OR2M4: variants seen among roughly 807,000 people sequenced by gnomAD.
OR2M4 encodes the protein olfactory receptor family 2 subfamily M member 4.
Under a neutral mutation model 13.7 loss-of-function variants are expected in OR2M4, and 8 were observed. The observed-to-expected ratio is 0.58, with a 90% CI of 0.34 to 1.05. OR2M4 has a LOEUF of 1.05. Ranked by LOEUF, OR2M4 falls within the 50% of genes least tolerant of loss-of-function variation. The pLI is 0.02. For missense variants in OR2M4, 374 were observed against 381.6 expected (o/e 0.98, Z 0.17); for synonymous variants, 152 against 141.3 (o/e 1.08, Z -0.53).
intron 1 of OR2M4, 90 bp from the exon 2 acceptor site, chr1:248,238,820 A>G (rs1221575518): frequency 9.5e-6 from 7 of 738,884 alleles, no homozygotes; most frequent in Admixed American, 2.8e-5. Flanking sequence ...GGCCTTATGC[A>G]TGCATATAAA....
chr1:248,233,113 G>C (rs1558260367), intron 1 of OR2M4, among the ~76,000 whole-genome samples: 1 of 152,102 alleles, frequency 6.6e-6, no homozygotes, highest in Non-Finnish European at 1.5e-5. Context: ...AGGGGTCTCT[G>C]TTATTTAGTT....
At chr1:248,235,306 G>A (rs1172324535) in intron 1 of OR2M4, among the ~76,000 whole-genome samples, 1 of 152,166 alleles carries the variant, frequency 6.6e-6, no homozygotes, top group Non-Finnish European at 1.5e-5. Flanking sequence ...TCAAAGATCA[G>A]ATGGTTGTAG....
intron 1 of OR2M4, among the ~76,000 whole-genome samples, chr1:248,236,204 A>G (rs747550082): frequency 3.9e-5 from 6 of 152,176 alleles, no homozygotes; most frequent in African/African-American, 4.8e-5. Flanking sequence ...AAATCATACC[A>G]AACAGTCTCT....
In OR2M4 at chr1:248,239,380, T is replaced by TG. The variant is rs1558261955; in HGVS notation, c.456dup (p.Ser153ValfsTer3). The TG allele has an allele frequency of 3.1e-6, 5 of 1,614,050 alleles. No individual in the cohort carries two copies. The highest frequency in any genetic ancestry group is 4.2e-6 in the Non-Finnish European group (5 of 1,179,994). On this transcript the variant is annotated frameshift_variant, in exon 2 of 2. Coordinates refer to ENST00000641868, the MANE Select transcript of OR2M4 (RefSeq NM_017504.2). LOFTEE classifies it high-confidence loss of function. ...TTCATGACTGTTGCTTCCTGGACCT[T>TG]GGGGTCTCTTGATGGGATCATAGTG...
At position 248,242,808 on chromosome 1, in the gene OR2M4, G is replaced by C. The variant is rs1005006102; in HGVS notation, c.*2944G>C. The C allele has an allele frequency of 2.0e-5, 3 of 152,120 alleles. No homozygotes were observed. The highest frequency in any genetic ancestry group is 2.0e-4 in the Admixed American group (3 of 15,278). 9.4% of individuals were successfully genotyped at this position (152,120 alleles called of 1,614,324 possible). A position where few individuals can be genotyped will look rare whatever the true frequency, so the allele number is the denominator to read the frequency against. ...ACATTTTATGATATGAATCGATAAT[G>C]ATTTTGTACATTTGATTTTACACAT... On this transcript the variant is annotated 3_prime_UTR_variant, in exon 2 of 2. Coordinates refer to ENST00000641868, the MANE Select transcript of OR2M4 (RefSeq NM_017504.2).
chr1:248,239,746 T>C lies in OR2M4; in HGVS notation c.818T>C (p.Met273Thr), dbSNP rs748039089. The C allele has an allele frequency of 8.1e-6, 13 of 1,613,944 alleles. No individual in the cohort carries two copies. Among genetic ancestry groups the C allele is most frequent in the South Asian group, 1.1e-5 (1 of 91,084 alleles). The change falls in exon 2 of 2, where the codon ATG (methionine) becomes ACG (threonine). Residue 273 changes from methionine (M) to threonine (T), a missense_variant. Coordinates refer to ENST00000641868, the MANE Select transcript of OR2M4 (RefSeq NM_017504.2). ...AAACATACGCCAGACCAGGACAAGATGGTGTCGGCCTTCTACACTATTCTC... is the reference window on the plus strand; with the variant it reads ...AAACATACGCCAGACCAGGACAAGACGGTGTCGGCCTTCTACACTATTCTC... ...ASKHTPDQDK[M>T]VSAFYTILTP...
In OR2M4 at chr1:248,231,531, T is replaced by G. The variant is rs1666503281; in HGVS notation, c.-69T>G. On this transcript the variant is annotated 5_prime_UTR_variant, in exon 1 of 2. Transcript: ENST00000641868. ...AGGCAGTGATTATTATATTCCAGAG[T>G]ATAAAGAACCCAGAACTGATTTGGC... 6.6e-6 allele frequency: 1 copy of G among 152,006 alleles called. No individual in the cohort carries two copies. Among genetic ancestry groups the G allele is most frequent in the Non-Finnish European group, 1.5e-5 (1 of 68,006 alleles). The allele number at this position is 152,006 out of a possible 1,614,324, so 9.4% of individuals were successfully genotyped here.
At chr1:248,234,077 T>A (rs1666532643) in intron 1 of OR2M4, among the ~76,000 whole-genome samples, 1 of 152,202 alleles carries the variant, frequency 6.6e-6, no homozygotes, top group African/African-American at 2.4e-5. Flanking sequence ...ATTTTCTCAA[T>A]GCAAAATCAT....
At chr1:248,234,110 G>A (rs1210882673) in intron 1 of OR2M4, among the ~76,000 whole-genome samples, 1 of 151,990 alleles carries the variant, frequency 6.6e-6, no homozygotes, top group Non-Finnish European at 1.5e-5. Flanking sequence ...CACATCTTTA[G>A]TCCACAACAT....
At chr1:248,232,994 C>T (rs965446177) in intron 1 of OR2M4, among the ~76,000 whole-genome samples, 14 of 151,936 alleles carry the variant, frequency 9.2e-5, no homozygotes, top group East Asian at 5.8e-4. Context: ...TATTTCTAAA[C>T]GTTAAAATGG....
intron 1 of OR2M4, among the ~76,000 whole-genome samples, chr1:248,235,318 T>C (rs530591883): frequency 6.6e-6 from 1 of 152,178 alleles, no homozygotes; most frequent in Non-Finnish European, 1.5e-5. Flanking sequence ...TGGTTGTAGA[T>C]GTCAGGTCTT....
In OR2M4 at chr1:248,243,172, T is replaced by A. The variant is rs1270472289; in HGVS notation, c.*3308T>A. 6.6e-6 allele frequency: 1 copy of A among 152,234 alleles called. No homozygotes were observed. The highest frequency in any genetic ancestry group is 1.5e-5 in the Non-Finnish European group (1 of 68,040). The allele number at this position is 152,234 out of a possible 1,614,324, so 9.4% of individuals were successfully genotyped here. A position where few individuals can be genotyped will look rare whatever the true frequency, so the allele number is the denominator to read the frequency against. ...AAAATGTAAAATAAACGCTTGATTT[T>A]AAAAAGTTTATACATAAAATGTAAA... On this transcript the variant is annotated 3_prime_UTR_variant, in exon 2 of 2. Transcript: ENST00000641868.
At position 248,240,108 on chromosome 1, in the gene OR2M4, T is replaced by A. The variant is rs1284626277; in HGVS notation, c.*244T>A. ...TATATTATTAGGTGTCACACATGGG[T>A]GGTACTTGATTTTAGGATGCTTACT... On this transcript the variant is annotated 3_prime_UTR_variant, in exon 2 of 2. Transcript: ENST00000641868. The A allele has an allele frequency of 1.5e-5, 5 of 334,842 alleles. No homozygotes were observed. The highest frequency in any genetic ancestry group is 2.7e-5 in the Non-Finnish European group (5 of 185,966). The allele number at this position is 334,842 out of a possible 1,614,324, so 20.7% of individuals were successfully genotyped here.
At chr1:248,232,335 G>A (rs534870860) in intron 1 of OR2M4, among the ~76,000 whole-genome samples, 2 of 152,212 alleles carry the variant, frequency 1.3e-5, no homozygotes, top group South Asian at 4.2e-4. Context: ...AAGGTCTAGG[G>A]AAAAGCTGGA....
chr1:248,234,546 C>T (rs1052572825), intron 1 of OR2M4, among the ~76,000 whole-genome samples: 3 of 152,216 alleles, frequency 2.0e-5, no homozygotes, highest in Non-Finnish European at 4.4e-5. Flanking sequence ...TGAGAACATG[C>T]GGTGTTTTGT....
chr1:248,244,173 A>G lies in OR2M4; in HGVS notation c.*4309A>G, dbSNP rs1006595539. 1.3e-5 allele frequency: 2 copies of G among 152,202 alleles called. No individual in the cohort carries two copies. Among genetic ancestry groups the G allele is most frequent in the African/African-American group, 4.8e-5 (2 of 41,460 alleles). The allele number at this position is 152,202 out of a possible 1,614,324, so 9.4% of individuals were successfully genotyped here. A position where few individuals can be genotyped will look rare whatever the true frequency, so the allele number is the denominator to read the frequency against. On this transcript the variant is annotated 3_prime_UTR_variant, in exon 2 of 2. Coordinates refer to ENST00000641868, the MANE Select transcript of OR2M4 (RefSeq NM_017504.2). ...TCGAAGAACTTAAAACAGGGCTGCT[A>G]CTTGACCCAGGAATGCTATTACTGG...
rs1434005079 is a variant in OR2M4, at chr1:248,242,681, A to G, written c.*2817A>G. On this transcript the variant is annotated 3_prime_UTR_variant, in exon 2 of 2. Coordinates refer to ENST00000641868, the MANE Select transcript of OR2M4 (RefSeq NM_017504.2). ...AAGTGTGATTTACATTTTGTCAGCAACATCACACCTTATGTGAAACAGGTA... is the reference window on the plus strand; with the variant it reads ...AAGTGTGATTTACATTTTGTCAGCAGCATCACACCTTATGTGAAACAGGTA... 2 of 152,222 alleles carry G rather than the reference A, an allele frequency of 1.3e-5. No homozygotes were observed. The highest frequency in any genetic ancestry group is 2.9e-5 in the Non-Finnish European group (2 of 68,030). 9.4% of individuals were successfully genotyped at this position (152,222 alleles called of 1,614,324 possible).
intron 1 of OR2M4, among the ~76,000 whole-genome samples, chr1:248,236,588 A>G (rs1245748968): frequency 6.6e-6 from 1 of 151,086 alleles, no homozygotes; most frequent in African/African-American, 2.5e-5. Context: ...AGATAGAGAC[A>G]CAAAAAAAAG....
chr1:248,235,345 T>C (rs1666547006), intron 1 of OR2M4, among the ~76,000 whole-genome samples: 1 of 152,150 alleles, frequency 6.6e-6, no homozygotes, highest in Admixed American at 6.5e-5. Context: ...GAGATCTCTA[T>C]TCTGTTCTGT....
Sources: gnomAD v4.1 joint callset for allele counts (sites outside exome capture counted in the v4.1 genomes callset) on GRCh38, gnomAD v4.1.1 for gene constraint, MANE v1.5 for transcripts, NCBI Gene and HGNC (gene_info 2026-07-23, HGNC 2026-07-21) for gene names.